TRAPPC9: variants seen among roughly 807,000 people sequenced by gnomAD.
The protein encoded by TRAPPC9 is IKK2 binding protein.
A neutral mutation model predicts 124.0 loss-of-function variants in TRAPPC9; 83 were observed. The ratio of observed to expected loss-of-function variants is 0.67; its 90% CI spans 0.56 to 0.80. TRAPPC9 has a LOEUF of 0.80. TRAPPC9 is among the 30% of genes least tolerant of loss of function. The pLI is 0.00. For missense variants in TRAPPC9, 1,302 were observed against 1,508.3 expected (o/e 0.86, Z 2.27); for synonymous variants, 638 against 617.5 (o/e 1.03, Z -0.49).
intron 5 of TRAPPC9, among the ~76,000 whole-genome samples, chr8:140,409,246 T>C (rs1371238013): frequency 1.3e-5 from 2 of 151,746 alleles, no homozygotes; most frequent in African/African-American, 2.4e-5. Context: ...ACTTCATTAA[T>C]GGTAAGAGAT....
intron 21 of TRAPPC9, among the ~76,000 whole-genome samples, chr8:139,767,384 TTC>T (rs1332631643): frequency 1.3e-5 from 2 of 152,222 alleles, no homozygotes; most frequent in African/African-American, 4.8e-5. Flanking sequence ...GATCCGTTTC[TTC>T]TGACACCAAC....
chr8:140,090,974 A>T (rs1278082398), intron 17 of TRAPPC9, among the ~76,000 whole-genome samples: 2 of 152,230 alleles, frequency 1.3e-5, no homozygotes, highest in African/African-American at 4.8e-5. Flanking sequence ...AGTGCTACAA[A>T]AATTAAAAGT....
chr8:140,213,720 C>T (rs1006481539), intron 17 of TRAPPC9, among the ~76,000 whole-genome samples: 2 of 152,158 alleles, frequency 1.3e-5, no homozygotes, highest in African/African-American at 4.8e-5. Flanking sequence ...GGAGCAGGAA[C>T]CAACAGGCTC....
chr8:140,060,385 A>T (rs1019314959), intron 17 of TRAPPC9, among the ~76,000 whole-genome samples: 1 of 152,192 alleles, frequency 6.6e-6, no homozygotes, highest in Admixed American at 6.5e-5. Flanking sequence ...GGATTCAGCA[A>T]TGGCCTTGTG....
At chr8:139,948,356 C>T (rs1360272694) in intron 19 of TRAPPC9, among the ~76,000 whole-genome samples, 1 of 151,932 alleles carries the variant, frequency 6.6e-6, no homozygotes, top group Non-Finnish European at 1.5e-5. Context: ...CACACCCTCC[C>T]TTTTGTTTTT....
intron 21 of TRAPPC9, among the ~76,000 whole-genome samples, chr8:139,779,148 A>G (rs924583648): frequency 6.6e-6 from 1 of 152,208 alleles, no homozygotes. Context: ...TAAGAATGAC[A>G]GCCAATTTCA....
At chr8:139,857,547 G>A (rs987684407) in intron 21 of TRAPPC9, among the ~76,000 whole-genome samples, 47 of 152,160 alleles carry the variant, frequency 3.1e-4, no homozygotes, top group African/African-American at 9.9e-4. Flanking sequence ...TCACTCTCAC[G>A]GCTGCCACTG....
chr8:139,808,773 T>C (rs1428049269), intron 21 of TRAPPC9, among the ~76,000 whole-genome samples: 1 of 152,236 alleles, frequency 6.6e-6, no homozygotes, highest in Non-Finnish European at 1.5e-5. Flanking sequence ...TATTCACCTA[T>C]GTTTTCACAT....
rs901680249 is a variant in TRAPPC9 at position 140,241,648 on chromosome 8, T to G, written c.2431+11129A>C. On this transcript the variant is annotated intron_variant, in intron 16 of 22. Coordinates refer to ENST00000438773, the MANE Select transcript of TRAPPC9 (RefSeq NM_001160372.4). This position sits in a 1 kb window ranked among gnomAD's most constrained non-coding sequence, Gnocchi z 5.0. ...AGGCAGAGGTTGCAGTGAGCTGAGA[T>G]AGTGCTACTGCACTCCAGCCTGGCA... 2.6e-5 allele frequency among the ~76,000 whole-genome samples: 4 copies of G among 152,146 alleles called. No homozygotes were observed. Among genetic ancestry groups the G allele is most frequent in the African/African-American group, 9.7e-5 (4 of 41,428 alleles).
intron 20 of TRAPPC9, among the ~76,000 whole-genome samples, chr8:139,893,310 C>T (rs1563899900): frequency 6.6e-6 from 1 of 152,208 alleles, no homozygotes; most frequent in African/African-American, 2.4e-5. Flanking sequence ...AGGCTCTGTG[C>T]CCAGCTCTTC....
chr8:140,272,246 G>C (rs1563903982), intron 15 of TRAPPC9, among the ~76,000 whole-genome samples: 1 of 148,576 alleles, frequency 6.7e-6, no homozygotes, highest in African/African-American at 2.5e-5. Context: ...AGTGGTGGGG[G>C]TGGGGGTTGG....
intron 21 of TRAPPC9, among the ~76,000 whole-genome samples, chr8:139,747,458 TG>T (rs1818978046): frequency 1.4e-5 from 1 of 69,988 alleles, no homozygotes; most frequent in Non-Finnish European, 2.9e-5. Flanking sequence ...AGAGCAGGTG[TG>T]GGGGCTGTGC....
chr8:140,033,673 T>TTTTTGTTTTTTTTTTTTTTTTTTTTTTTG (rs1456187769), intron 17 of TRAPPC9, among the ~76,000 whole-genome samples: 1 of 76,752 alleles, frequency 1.3e-5, no homozygotes, highest in Non-Finnish European at 2.6e-5. Context: ...TTTTTTTTTT[T>TTTTTGTTTTTTTTTTTTTTTTTTTTTTTG]TTTTTTTTTT....
At chr8:140,348,218 C>T (rs368408008) in intron 9 of TRAPPC9, among the ~76,000 whole-genome samples, 60 of 152,300 alleles carry the variant, frequency 3.9e-4, no homozygotes, top group African/African-American at 1.3e-3. Flanking sequence ...TCACAAAGCA[C>T]GATGGCAGGA....
intron 20 of TRAPPC9, among the ~76,000 whole-genome samples, chr8:139,890,079 G>A (rs909168737): frequency 6.6e-5 from 10 of 152,242 alleles, no homozygotes; most frequent in Admixed American, 5.2e-4. Context: ...CAGCAGCAGC[G>A]AGGCACCCCT....
intron 21 of TRAPPC9, among the ~76,000 whole-genome samples, chr8:139,773,012 T>C (rs1445413251): frequency 6.6e-6 from 1 of 152,202 alleles, no homozygotes; most frequent in Non-Finnish European, 1.5e-5. Flanking sequence ...GTCACTGTGT[T>C]CCTTTCCAGC....
chr8:139,903,126 C>G (rs1278771918), intron 20 of TRAPPC9, among the ~76,000 whole-genome samples: 1 of 152,174 alleles, frequency 6.6e-6, no homozygotes, highest in Non-Finnish European at 1.5e-5. Flanking sequence ...ACACAAGGCC[C>G]CCTGTACTGA....
At chr8:140,024,251 C>T (rs1563698043) in intron 17 of TRAPPC9, among the ~76,000 whole-genome samples, 172 bp from the exon 18 acceptor site, 2 of 152,000 alleles carry the variant, frequency 1.3e-5, no homozygotes, top group South Asian at 2.1e-4. Flanking sequence ...ACACCCCCGG[C>T]GGGGACCGAC....
intron 15 of TRAPPC9, among the ~76,000 whole-genome samples, chr8:140,274,545 T>G (rs1398163908): frequency 2.0e-5 from 3 of 152,242 alleles, no homozygotes; most frequent in African/African-American, 7.2e-5. Context: ...TCAAAATCAG[T>G]GGAAGAAATA....
Sources: gnomAD v4.1 joint callset for allele counts (sites outside exome capture counted in the v4.1 genomes callset) on GRCh38, gnomAD v4.1.1 for gene constraint, Gnocchi (gnomAD v3.1) non-coding constraint, MANE v1.5 for transcripts, NCBI Gene and HGNC (gene_info 2026-07-23, HGNC 2026-07-21) for gene names.